The following NRXN1 variants were observed in gnomAD, a reference collection of about 807,000 sequenced individuals.
NRXN1 encodes the protein neurexin 1, also known as neurexin-1.
A neutral mutation model predicts 150.9 loss-of-function variants in NRXN1; 39 were observed. That is an observed-to-expected ratio of 0.26 (90% CI 0.20 to 0.34). The LOEUF (loss-of-function observed/expected upper bound fraction) is 0.34, where lower values mean the gene tolerates loss of function less well. Ranked by LOEUF, NRXN1 falls within the 10% of genes least tolerant of loss-of-function variation. The pLI is 1.00. For synonymous variants in NRXN1, 924 were observed against 757.0 expected (o/e 1.22, Z -3.62); for missense variants, 1,815 against 1,949.9 (o/e 0.93, Z 1.30).
chr2:49,971,589 T>C (rs575887866), intron 21 of NRXN1, among the ~76,000 whole-genome samples: 1 of 152,290 alleles, frequency 6.6e-6, no homozygotes, highest in African/African-American at 2.4e-5. Flanking sequence ...CTGGGTAATT[T>C]TCCTTAATGA....
intron 21 of NRXN1, among the ~76,000 whole-genome samples, chr2:50,047,399 A>G (rs1381803048): frequency 2.0e-5 from 3 of 151,904 alleles, no homozygotes; most frequent in Non-Finnish European, 2.9e-5. Flanking sequence ...TTAATTAGCA[A>G]AATATTTATT....
intron 17 of NRXN1, among the ~76,000 whole-genome samples, chr2:50,415,264 C>A (rs974702112): frequency 2.0e-5 from 3 of 152,162 alleles, no homozygotes; most frequent in African/African-American, 7.2e-5. Context: ...TTATTTTTAA[C>A]TCCACAGATT....
chr2:50,092,115 T>C (rs1442707993), intron 18 of NRXN1, among the ~76,000 whole-genome samples: 1 of 152,204 alleles, frequency 6.6e-6, no homozygotes, highest in East Asian at 1.9e-4. Flanking sequence ...GGACACATAA[T>C]AGAGACGTAC....
chr2:50,600,708 T>C (rs1676127355), intron 8 of NRXN1, among the ~76,000 whole-genome samples: 1 of 152,204 alleles, frequency 6.6e-6, no homozygotes, highest in South Asian at 2.1e-4. Flanking sequence ...TGACTTTACT[T>C]AGAAGTTTCT....
At chr2:50,053,138 A>G (rs1415448458) in intron 21 of NRXN1, 133 bp downstream of exon 21, 2 of 838,156 alleles carry the variant, frequency 2.4e-6, no homozygotes, top group East Asian at 2.4e-5. Flanking sequence ...CATTATGTTA[A>G]GCTAGTTTCA....
At chr2:50,716,268 A>T (rs1039102016) in intron 5 of NRXN1, among the ~76,000 whole-genome samples, 2 of 152,182 alleles carry the variant, frequency 1.3e-5, no homozygotes, top group African/African-American at 2.4e-5. Flanking sequence ...GATATAAGAC[A>T]ACCCATTTTA....
At chr2:50,228,854 C>G (rs2064664586) in intron 18 of NRXN1, among the ~76,000 whole-genome samples, 1 of 151,910 alleles carries the variant, frequency 6.6e-6, no homozygotes, top group African/African-American at 2.4e-5. Context: ...TTGAGCGTCC[C>G]CCATTCAGGG....
rs140001604 is a variant in NRXN1 at position 50,099,022 on chromosome 2, A to G, written c.3547-7528T>C. ...CTTTTCATTTCCCCATCAAATCTTC[A>G]TTAAGGATAGTGTATCTTTTCTAAT... On this transcript the variant is annotated intron_variant, in intron 18 of 22. Transcript: ENST00000401669. 9.9e-5 allele frequency among the ~76,000 whole-genome samples: 15 copies of G among 152,074 alleles called. No homozygotes were observed. The East Asian group carries it at 2.9e-3, about 29-fold the overall frequency.
chr2:50,730,340 A>G (rs1697934579), intron 5 of NRXN1, among the ~76,000 whole-genome samples: 1 of 152,200 alleles, frequency 6.6e-6, no homozygotes, highest in African/African-American at 2.4e-5. Flanking sequence ...ACCAAGAGTC[A>G]TTATAGCCAC....
At chr2:50,608,507 A>G (rs1004718270) in intron 8 of NRXN1, among the ~76,000 whole-genome samples, 3 of 150,934 alleles carry the variant, frequency 2.0e-5, no homozygotes, top group African/African-American at 7.3e-5. Context: ...CTTTTAAACT[A>G]CCTAAAAACT....
At chr2:50,738,159 C>T (rs1284421560) in intron 5 of NRXN1, among the ~76,000 whole-genome samples, 1 of 152,102 alleles carries the variant, frequency 6.6e-6, no homozygotes, top group Non-Finnish European at 1.5e-5. Flanking sequence ...ATAAATCTTG[C>T]TAATTCAGTG....
intron 21 of NRXN1, among the ~76,000 whole-genome samples, chr2:50,036,587 G>C (rs1266537115): frequency 6.6e-6 from 1 of 152,120 alleles, no homozygotes; most frequent in Non-Finnish European, 1.5e-5. Flanking sequence ...TACTAGGCTA[G>C]AGCAGAAATG....
At chr2:50,728,750 C>G (rs1697714541) in intron 5 of NRXN1, among the ~76,000 whole-genome samples, 1 of 152,098 alleles carries the variant, frequency 6.6e-6, no homozygotes, top group Non-Finnish European at 1.5e-5. Flanking sequence ...ACTGATTACC[C>G]ACTTTAGTTC....
In NRXN1 at chr2:50,909,542, T is replaced by C. The variant is rs576413360; in HGVS notation, c.832+12327A>G. On this transcript the variant is annotated intron_variant, in intron 5 of 22. Coordinates refer to ENST00000401669, the MANE Select transcript of NRXN1 (RefSeq NM_001330078.2). The stretch of plus-strand genomic sequence containing the variant: ...CATGTACTTTCTGGCTCCTAGTAAA[T>C]TGCTATTCACTTAAGTGTTATCTCT... Among the ~76,000 whole-genome samples, 25 of 152,132 alleles carry C rather than the reference T, an allele frequency of 1.6e-4. No individual in the cohort carries two copies. In the South Asian group the frequency reaches 3.9e-3, roughly 24 times the overall value.
At chr2:50,838,147 GA>G (rs1672365129) in intron 5 of NRXN1, among the ~76,000 whole-genome samples, 1 of 152,064 alleles carries the variant, frequency 6.6e-6, no homozygotes, top group Non-Finnish European at 1.5e-5. Context: ...TTTAAATACT[GA>G]AATCCATCTT....
intron 17 of NRXN1, among the ~76,000 whole-genome samples, chr2:50,357,951 T>A (rs1419262488): frequency 6.6e-6 from 1 of 151,708 alleles, no homozygotes; most frequent in African/African-American, 2.4e-5. Flanking sequence ...GGGTGGGGCG[T>A]CACATGACCC....
chr2:50,180,986 T>C (rs1345197042), intron 18 of NRXN1, among the ~76,000 whole-genome samples: 1 of 152,036 alleles, frequency 6.6e-6, no homozygotes, highest in Admixed American at 6.6e-5. Context: ...TAATTAGGGG[T>C]TTTCTTTTAT....
In NRXN1 at chr2:51,027,699, G is replaced by A. The variant is rs865921570; in HGVS notation, c.575C>T (p.Ser192Leu). 6.2e-7 allele frequency: 1 copy of A among 1,606,638 alleles called. No homozygotes were observed. The highest frequency in any genetic ancestry group is 8.5e-7 in the Non-Finnish European group (1 of 1,176,374). ...GCCGCTGTCCACGGGCAGGACCTGC[G>A]AGGAGTTGACCCTCACGTCACGAAT... ...GWIRDVRVNS[S>L]QVLPVDSGEV... Residue 192 changes from serine (S) to leucine (L), a missense_variant, in exon 2 of 23, where the codon TCG becomes TTG. By Grantham distance (145) the Ser-to-Leu change is moderately radical (BLOSUM62 -2). Around this residue, in one of 6 missense-constraint regions of NRXN1, gnomAD observed 554 missense variants for 478.8 expected, o/e 1.16. Coordinates refer to ENST00000401669, the MANE Select transcript of NRXN1 (RefSeq NM_001330078.2).
At chr2:50,192,187 A>T (rs1378482796) in intron 18 of NRXN1, among the ~76,000 whole-genome samples, 1 of 152,216 alleles carries the variant, frequency 6.6e-6, no homozygotes, top group Non-Finnish European at 1.5e-5. Context: ...ATTTAATTTA[A>T]TTCATTTACA....
Sources: gnomAD v4.1 joint callset for allele counts (sites outside exome capture counted in the v4.1 genomes callset) on GRCh38, gnomAD v4.1.1 for gene constraint, gnomAD v4.1.1 regional missense constraint, MANE v1.5 for transcripts, NCBI Gene and HGNC (gene_info 2026-07-23, HGNC 2026-07-21) for gene names.